The following SYDE2 variants were observed in gnomAD, a reference collection of about 807,000 sequenced individuals.
SYDE2 encodes the protein rho GTPase-activating protein SYDE2.
Under a neutral mutation model 91.5 loss-of-function variants are expected in SYDE2, and 76 were observed. The ratio of observed to expected loss-of-function variants is 0.83; its 90% CI spans 0.69 to 1.01. SYDE2 has a LOEUF of 1.01. SYDE2 is among the 50% of genes least tolerant of loss of function. The pLI is 0.00. For missense variants in SYDE2, 1,364 were observed against 1,367.7 expected, an observed-to-expected ratio of 1.00 and a Z score of 0.04; for synonymous variants, 513 against 506.4, an observed-to-expected ratio of 1.01 and a Z score of -0.18.
intron 5 of SYDE2, among the ~76,000 whole-genome samples, chr1:85,166,937 G>C (rs181638297): frequency 6.6e-6 from 1 of 152,136 alleles, no homozygotes; most frequent in Non-Finnish European, 1.5e-5. Context: ...CTGGCTGGGC[G>C]TGGTGGTTCA....
intron 1 of SYDE2, among the ~76,000 whole-genome samples, chr1:85,192,479 T>TAATA (rs965517856): frequency 6.6e-6 from 1 of 152,080 alleles, no homozygotes; most frequent in South Asian, 2.1e-4. Context: ...AGCAGATTAA[T>TAATA]AATAAATAAA....
downstream of SYDE2, chr1:85,156,805 C>T (rs1656892956): frequency 6.6e-6 from 1 of 152,000 alleles, no homozygotes; most frequent in Non-Finnish European, 1.5e-5. Flanking sequence ...ATTTTAACAC[C>T]TTTGCTTAAA....
chr1:85,182,894 G>A lies in SYDE2; in HGVS notation c.1748C>T (p.Ala583Val), dbSNP rs1657987914. ...TCGGCTTATAACATTCCTCTTAGCAGCGGTGGTTGTGTTCCCAGAGGGCAG... is the reference window on the plus strand; with the variant it reads ...TCGGCTTATAACATTCCTCTTAGCAACGGTGGTTGTGTTCCCAGAGGGCAG... Reference protein sequence around the residue: ...DILPSGNTTTAAKRNVISRYH... With the variant: ...DILPSGNTTTVAKRNVISRYH... Residue 583 changes from alanine (A) to valine (V), a missense_variant, in exon 3 of 7, where the codon GCT (alanine) becomes GTT (valine). Coordinates refer to ENST00000341460, the MANE Select transcript of SYDE2 (RefSeq NM_032184.2). The A allele has an allele frequency of 6.2e-7, 1 of 1,613,588 alleles. No individual in the cohort carries two copies. Among genetic ancestry groups the A allele is most frequent in the Admixed American group, 1.7e-5 (1 of 59,930 alleles).
At chr1:85,175,393 G>A (rs999384405) in intron 4 of SYDE2, among the ~76,000 whole-genome samples, 4 of 152,126 alleles carry the variant, frequency 2.6e-5, no homozygotes, top group South Asian at 2.1e-4. Context: ...CCAGCTATTC[G>A]GGAGGCTGAG....
rs1480020663 is a variant in SYDE2, at chr1:85,158,754, A to G, written c.3581T>C (p.Phe1194Ser). Reference protein sequence around the residue: ...ELNKNKLNMSF With the variant: ...ELNKNKLNMSS ...TACAAAAAAAAACCCTCAATCTCAAAAACTCATATTAAGCTTGTTTTTGTT... is the reference window on the plus strand; with the variant it reads ...TACAAAAAAAAACCCTCAATCTCAAGAACTCATATTAAGCTTGTTTTTGTT... Residue 1194 changes from phenylalanine to serine, a missense_variant, in exon 7 of 7, where the codon TTT (phenylalanine) becomes TCT (serine). Transcript: ENST00000341460. 1.4e-6 allele frequency: 1 copy of G among 727,776 alleles called. No individual in the cohort carries two copies. The allele number at this position is 727,776 out of a possible 1,614,324, so 45.1% of individuals were successfully genotyped here. A position where few individuals can be genotyped will look rare whatever the true frequency, so the allele number is the denominator to read the frequency against.
At chr1:85,180,668 C>T (rs370061016) in intron 3 of SYDE2, among the ~76,000 whole-genome samples, 4 of 146,450 alleles carry the variant, frequency 2.7e-5, no homozygotes, top group African/African-American at 5.1e-5. Context: ...CCAGCCTGGG[C>T]GACAGAGCAA....
Position 85,159,064 on chromosome 1 carries a change from C to A in SYDE2, c.3271G>T (p.Asp1091Tyr), listed in dbSNP as rs377134299. 86 of 780,892 alleles carry A rather than the reference C, an allele frequency of 1.1e-4. No individual in the cohort carries two copies. The African/African-American group carries it at 1.2e-3, about 11-fold the overall frequency. 48.4% of individuals were successfully genotyped at this position (780,892 alleles called of 1,614,324 possible). Residue 1091 changes from aspartate to tyrosine, a missense_variant, in exon 7 of 7, where the codon GAC becomes TAC. Physicochemically the swap from Asp to Tyr is radical, Grantham distance 160. Coordinates refer to ENST00000341460, the MANE Select transcript of SYDE2 (RefSeq NM_032184.2). ...DSPLSNRYAG[D>Y]WSSCGENYFL... ...TAGTTTTCCCCACAGCTGCTCCAGTCTCCTGCATAACGATTGCTAAGTGGA... is the reference window on the plus strand; with the variant it reads ...TAGTTTTCCCCACAGCTGCTCCAGTATCCTGCATAACGATTGCTAAGTGGA...
rs1195690731 is a variant in SYDE2 at position 85,164,659 on chromosome 1, T to C, written c.2952A>G (p.Pro984=). ...GCTCTTGCCTCTGACTTAATAATAC[T>C]GGTCCAAAGCACACAGCCAAATTCT... ...TCQNLAVCFG[P]VLLSQRQEPS... is the part of the protein sequence containing the mutation. Residue 984 remains proline (P), a synonymous_variant, in exon 6 of 7, where the codon CCA becomes CCG. Coordinates refer to ENST00000341460, the MANE Select transcript of SYDE2 (RefSeq NM_032184.2). 1 of 1,580,076 alleles carries C rather than the reference T, an allele frequency of 6.3e-7. No homozygotes were observed. Among genetic ancestry groups the C allele is most frequent in the Non-Finnish European group, 8.6e-7 (1 of 1,162,020 alleles).
At position 85,199,944 on chromosome 1, in the gene SYDE2, G is replaced by A. The variant is rs144820524; in HGVS notation, c.745+308C>T. 4.2e-3 allele frequency among the ~76,000 whole-genome samples: 644 copies of A among 151,872 alleles called. 2 individuals are homozygous for A. Among genetic ancestry groups the A allele is most frequent in the Non-Finnish European group, 6.8e-3 (465 of 67,950 alleles). ...CCATCTGTAAACCTACTAAAAGTGTGTTATACTTAACCTTTACTCCTTTAG... is the reference window on the plus strand; with the variant it reads ...CCATCTGTAAACCTACTAAAAGTGTATTATACTTAACCTTTACTCCTTTAG... On this transcript the variant is annotated intron_variant, in intron 1 of 6. Coordinates refer to ENST00000341460, the MANE Select transcript of SYDE2 (RefSeq NM_032184.2).
intron 1 of SYDE2, chr1:85,200,045 T>TAAA: frequency 2.9e-6 from 2 of 700,528 alleles, no homozygotes. Context: ...ATTGTCTGAT[T>TAAA]AAAAAGAAAA....
chr1:85,166,068 A>T (rs957538797), intron 5 of SYDE2, among the ~76,000 whole-genome samples: 9 of 151,824 alleles, frequency 5.9e-5, no homozygotes, highest in African/African-American at 2.2e-4. Flanking sequence ...TAGGCCAGGC[A>T]TGTGGCTCTT....
chr1:85,199,070 G>C (rs1384480123), intron 1 of SYDE2, among the ~76,000 whole-genome samples: 2 of 152,122 alleles, frequency 1.3e-5, no homozygotes, highest in Non-Finnish European at 2.9e-5. Flanking sequence ...TGTCTTCATT[G>C]TTTGATAAGA....
At chr1:85,169,291 A>G in intron 4 of SYDE2, 66 bp from the exon 5 acceptor site, 2 of 1,302,038 alleles carry the variant, frequency 1.5e-6, no homozygotes, top group Admixed American at 2.5e-5. Context: ...ACTATGGTCA[A>G]TTTTTTAAAA....
intron 4 of SYDE2, among the ~76,000 whole-genome samples, chr1:85,171,577 T>TTA (rs1657507890): frequency 6.6e-6 from 1 of 152,050 alleles, no homozygotes; most frequent in South Asian, 2.1e-4. Context: ...TTAAAAAAAA[T>TTA]TAGATTCTGG....
intron 5 of SYDE2, among the ~76,000 whole-genome samples, chr1:85,167,029 G>A (rs542882870): frequency 2.0e-5 from 3 of 152,072 alleles, no homozygotes; most frequent in Admixed American, 2.0e-4. Flanking sequence ...TGGGCAACAC[G>A]GTGAAACCCA....
chr1:85,182,707 T>A lies in SYDE2; in HGVS notation c.1935A>T (p.Gly645=), dbSNP rs375418163. 1.2e-6 allele frequency: 2 copies of A among 1,613,686 alleles called. No individual in the cohort carries two copies. Among genetic ancestry groups the A allele is most frequent in the Non-Finnish European group, 1.7e-6 (2 of 1,179,844 alleles). The change falls in exon 3 of 7, where the codon GGA becomes GGT. Residue 645 remains glycine, a synonymous_variant. Coordinates refer to ENST00000341460, the MANE Select transcript of SYDE2 (RefSeq NM_032184.2). ...KHGSENKFGK[G]KEIISNSCSK... is the part of the protein sequence containing the mutation. ...TACAACTATTTGAAATTATTTCTTT[T>A]CCTTTTCCAAATTTGTTTTCAGATC...
chr1:85,198,611 T>C (rs1180190888), intron 1 of SYDE2, among the ~76,000 whole-genome samples: 1 of 152,222 alleles, frequency 6.6e-6, no homozygotes, highest in Non-Finnish European at 1.5e-5. Context: ...AATTAGTTGC[T>C]TAATGCAAAA....
downstream of SYDE2, chr1:85,152,973 A>C (rs1241688553): frequency 1.3e-5 from 2 of 152,330 alleles, no homozygotes; most frequent in African/African-American, 4.8e-5. Flanking sequence ...AAAACCCAGA[A>C]ATCTCCATCT....
At position 85,190,065 on chromosome 1, in the gene SYDE2, G is replaced by A. The variant is rs1414481036; in HGVS notation, c.1433C>T (p.Pro478Leu). The A allele has an allele frequency of 1.9e-6, 3 of 1,592,478 alleles. No homozygotes were observed. The highest frequency in any genetic ancestry group is 2.6e-6 in the Non-Finnish European group (3 of 1,166,958). Reference protein sequence around the residue: ...MVEDSPMLKSPFAGSGILAAT... With the variant: ...MVEDSPMLKSLFAGSGILAAT... ...TATATGATCATTTTTACCTGCAAAA[G>A]GAGATTTCAACATGGGACTGTCCTC... The change falls in exon 2 of 7, where the codon CCT becomes CTT. Residue 478 changes from proline to leucine, a missense_variant. Transcript: ENST00000341460.
Sources: allele counts gnomAD v4.1 joint callset (sites outside exome capture counted in the v4.1 genomes callset), GRCh38; gene constraint gnomAD v4.1.1; transcripts MANE v1.5; gene names NCBI Gene and HGNC (gene_info 2026-07-23, HGNC 2026-07-21).